The following WWP2 variants were observed in gnomAD, a reference collection of about 807,000 sequenced individuals.
WWP2 encodes WW domain containing E3 ubiquitin protein ligase 2.
Under a neutral mutation model 121.0 loss-of-function variants are expected in WWP2, and 57 were observed. The observed-to-expected ratio is 0.47, with a 90% CI of 0.38 to 0.59. The LOEUF is 0.59. WWP2 is among the 20% of genes least tolerant of loss of function. The pLI is 0.00. For synonymous variants in WWP2, 449 were observed against 441.3 expected (o/e 1.02, Z -0.22); for missense variants, 962 against 1,158.9 (o/e 0.83, Z 2.47).
At chr16:69,917,918 G>A (rs759008625) in intron 10 of WWP2, 35 bp downstream of exon 10, 4 of 1,587,722 alleles carry the variant, frequency 2.5e-6, no homozygotes, top group Admixed American at 1.7e-5. Context: ...AGGTGGGGCC[G>A]CCTCCCTGCG....
chr16:69,888,899 T>G (rs923163714), intron 8 of WWP2, among the ~76,000 whole-genome samples: 3 of 152,158 alleles, frequency 2.0e-5, no homozygotes, highest in African/African-American at 7.2e-5. Flanking sequence ...AGAGATATGG[T>G]TTCGCCCTGT....
At position 69,766,796 on chromosome 16, in the gene WWP2, C is replaced by G. The variant is rs142275032; in HGVS notation, c.-16+4405C>G. Among the ~76,000 whole-genome samples, 182 of 152,210 alleles carry G rather than the reference C, an allele frequency of 1.2e-3. 1 individual carries two copies. The highest frequency in any genetic ancestry group is 4.1e-3 in the African/African-American group (172 of 41,542). ...ATTTTTGGAGTGTTGTTCTGTTGCC[C>G]AGGCTGGAGTGCAATGGTACGATCT... On this transcript the variant is annotated intron_variant, in intron 1 of 23. Coordinates refer to ENST00000359154, the MANE Select transcript of WWP2 (RefSeq NM_001270454.2).
At chr16:69,774,966 CAAAA>C (rs58896866) in intron 1 of WWP2, 3 of 88,990 alleles carry the variant, frequency 3.4e-5, no homozygotes, top group Admixed American at 1.1e-4. Context: ...AAGACTGTCT[CAAAA>C]AAAAAAAAAA....
intron 21 of WWP2, among the ~76,000 whole-genome samples, chr16:69,938,216 G>A (rs1264417313): frequency 1.3e-5 from 2 of 151,452 alleles, no homozygotes; most frequent in Non-Finnish European, 2.9e-5. Context: ...GTCTTGCTAT[G>A]GTGCCCAGCC....
At chr16:69,786,556 T>G (rs1384420774) in intron 1 of WWP2, among the ~76,000 whole-genome samples, 1 of 150,708 alleles carries the variant, frequency 6.6e-6, no homozygotes, top group East Asian at 1.9e-4. Context: ...GCTCAAGTGA[T>G]TCTCCTGCCT....
chr16:69,890,632 C>T (rs1314027570), intron 8 of WWP2, among the ~76,000 whole-genome samples: 1 of 152,060 alleles, frequency 6.6e-6, no homozygotes, highest in African/African-American at 2.4e-5. Context: ...TTCCGCTGAG[C>T]GAATGCCTGG....
intron 7 of WWP2, among the ~76,000 whole-genome samples, chr16:69,878,201 C>T (rs999831812): frequency 1.3e-5 from 2 of 152,018 alleles, no homozygotes; most frequent in Non-Finnish European, 1.5e-5. Flanking sequence ...ATCTCCATGA[C>T]GGATATAAAT....
At chr16:69,846,770 G>A (rs934161381) in intron 6 of WWP2, among the ~76,000 whole-genome samples, 7 of 151,954 alleles carry the variant, frequency 4.6e-5, no homozygotes, top group Admixed American at 6.6e-5. Flanking sequence ...CCTGAATTCA[G>A]GAGGTTATCT....
chr16:69,907,516 C>T (rs1238651032), intron 8 of WWP2, among the ~76,000 whole-genome samples: 1 of 152,156 alleles, frequency 6.6e-6, no homozygotes, highest in African/African-American at 2.4e-5. Context: ...AACATAAAGG[C>T]CCACAGCACC....
At position 69,836,616 on chromosome 16, in the gene WWP2, T is replaced by G. The variant is rs58385119; in HGVS notation, c.341-3510T>G. Among the ~76,000 whole-genome samples the G allele has an allele frequency of 1.8e-3, 280 of 152,222 alleles. 6 individuals are homozygous for G. The highest frequency in any genetic ancestry group is 6.3e-3 in the African/African-American group (260 of 41,536). On this transcript the variant is annotated intron_variant, in intron 4 of 23. Transcript: ENST00000359154. ...TTGGCTATTTAAATTTAAATTAAAT[T>G]AATTTATTTTTTGAGACAGGGTCTC...
chr16:69,907,198 G>A (rs535108475), intron 8 of WWP2, among the ~76,000 whole-genome samples: 11 of 152,196 alleles, frequency 7.2e-5, no homozygotes, highest in Non-Finnish European at 1.6e-4. Context: ...TGTTGACGGT[G>A]TAGCCTATTA....
rs1567436490 is a variant in WWP2 at position 69,925,459 on chromosome 16, C to T, written c.1209C>T (p.Pro403=). 1.2e-6 allele frequency: 2 copies of T among 1,613,942 alleles called. No homozygotes were observed. The highest frequency in any genetic ancestry group is 1.3e-5 in the African/African-American group (1 of 74,898). The change falls in exon 11 of 24, where the codon CCC becomes CCT. Residue 403 remains proline (P), a synonymous_variant. Transcript: ENST00000359154. This position sits in a 1 kb window ranked among gnomAD's most constrained non-coding sequence, Gnocchi z 4.0. The stretch of plus-strand genomic sequence containing the variant: ...CGAGTGCTTCGACTGACCATGATCC[C>T]CTGGGCCCCCTCCCTCCTGGCTGGG... ...QSSSASTDHD[P]LGPLPPGWEK... is the part of the protein sequence containing the mutation.
intron 1 of WWP2, among the ~76,000 whole-genome samples, chr16:69,763,690 C>T (rs1426486149): frequency 6.6e-6 from 1 of 152,194 alleles, no homozygotes; most frequent in Non-Finnish European, 1.5e-5. Context: ...ATTTATTGCT[C>T]TTTCTTGTTT....
chr16:69,805,796 G>C (rs905584648), intron 4 of WWP2, among the ~76,000 whole-genome samples: 5 of 146,162 alleles, frequency 3.4e-5, no homozygotes, highest in Non-Finnish European at 6.0e-5. Flanking sequence ...TTTTTTTTTA[G>C]AGATGGTATC....
Position 69,868,299 on chromosome 16 carries a change from G to T in WWP2, c.576-3505G>T, listed in dbSNP as rs141085881. 9.3e-3 allele frequency among the ~76,000 whole-genome samples: 1,411 copies of T among 152,032 alleles called. 7 individuals are homozygous for T. Among genetic ancestry groups the T allele is most frequent in the Non-Finnish European group, 0.016 (1,101 of 67,944 alleles). ...CCCAGCCCATCATTCAGGGTAAGCC[G>T]CTATCATTAGTGGTTAAGTGTTTCT... On this transcript the variant is annotated intron_variant, in intron 6 of 23. Coordinates refer to ENST00000359154, the MANE Select transcript of WWP2 (RefSeq NM_001270454.2).
rs1419145769 is a variant in WWP2, at chr16:69,799,348, C to A, written c.340+53C>A. 5 of 1,588,688 alleles carry A rather than the reference C, an allele frequency of 3.1e-6. No individual in the cohort carries two copies. The highest frequency in any genetic ancestry group is 4.3e-6 in the Non-Finnish European group (5 of 1,166,510). ...TGATTCTTGGGTGGGGATGGGAGGA[C>A]CTGGCAGATCAACCTGGTATTGCAA... On this transcript the variant is annotated intron_variant, in intron 4 of 23. Transcript: ENST00000359154. The surrounding 1 kb of genome is among the most constrained non-coding windows in gnomAD (Gnocchi z 4.5).
intron 6 of WWP2, among the ~76,000 whole-genome samples, chr16:69,849,957 G>C (rs1331648964): frequency 6.6e-6 from 1 of 152,224 alleles, no homozygotes; most frequent in East Asian, 1.9e-4. Flanking sequence ...CTAGAGAGAT[G>C]TTTATAATGC....
At chr16:69,812,759 C>T (rs1308420130) in intron 4 of WWP2, among the ~76,000 whole-genome samples, 1 of 152,136 alleles carries the variant, frequency 6.6e-6, no homozygotes, top group Non-Finnish European at 1.5e-5. Flanking sequence ...GTGTCCTTCT[C>T]AGTGCAGCAT....
chr16:69,842,252 G>A (rs1304891251), intron 6 of WWP2, 132 bp downstream of exon 6: 5 of 828,794 alleles, frequency 6.0e-6, no homozygotes, highest in South Asian at 5.3e-5. Context: ...AACTGACTCA[G>A]TAGTTAAGAA....
Sources: gnomAD v4.1 joint callset for allele counts (sites outside exome capture counted in the v4.1 genomes callset) on GRCh38, gnomAD v4.1.1 for gene constraint, Gnocchi (gnomAD v3.1) non-coding constraint, MANE v1.5 for transcripts, NCBI Gene and HGNC (gene_info 2026-07-23, HGNC 2026-07-21) for gene names.